Variants in ANKLE2 observed in about 807,000 individuals in gnomAD.
ANKLE2 encodes ankyrin repeat and LEM domain containing 2.
ANKLE2 carries 55 observed loss-of-function variants against 84.2 expected under a neutral mutation model. The ratio of observed to expected loss-of-function variants is 0.65; its 90% CI spans 0.53 to 0.82. The LOEUF is 0.82. ANKLE2 is among the 40% of genes least tolerant of loss of function. The pLI is 0.00. For synonymous variants in ANKLE2, 551 were observed against 486.1 expected (o/e 1.13, Z -1.76); for missense variants, 1,238 against 1,201.9 (o/e 1.03, Z -0.44).
chr12:132,747,483 G>A (rs1354692117), intron 5 of ANKLE2, among the ~76,000 whole-genome samples: 1 of 152,232 alleles, frequency 6.6e-6, no homozygotes, highest in Non-Finnish European at 1.5e-5. Flanking sequence ...CTGAGGGCCT[G>A]CCTGTGGTGT....
chr12:132,759,662 C>A (rs962961192), intron 1 of ANKLE2: 1 of 144,076 alleles, frequency 6.9e-6, no homozygotes, highest in African/African-American at 3.0e-5. Flanking sequence ...CACCCTCACC[C>A]GCCGCCACCT....
chr12:132,740,081 G>A (rs1203997262), intron 7 of ANKLE2, among the ~76,000 whole-genome samples: 1 of 152,254 alleles, frequency 6.6e-6, no homozygotes, highest in Admixed American at 6.5e-5. Context: ...TTCTGACAGT[G>A]TGGTTTGAAA....
chr12:132,749,796 C>T (rs942624149), intron 3 of ANKLE2, among the ~76,000 whole-genome samples: 3 of 152,172 alleles, frequency 2.0e-5, no homozygotes, highest in African/African-American at 4.8e-5. Context: ...CGGGCTGGAC[C>T]GCTCCTACAG....
chr12:132,761,198 G>A lies in ANKLE2; in HGVS notation c.181+420C>T, dbSNP rs73157039. The A allele has an allele frequency of 7.2e-3, 1,145 of 159,672 alleles. 10 individuals carry two copies. Among genetic ancestry groups the A allele is most frequent in the South Asian group, 0.029 (140 of 4,898 alleles). 9.9% of individuals were successfully genotyped at this position (159,672 alleles called of 1,614,324 possible). On this transcript the variant is annotated intron_variant, in intron 1 of 12. Coordinates refer to ENST00000357997, the MANE Select transcript of ANKLE2 (RefSeq NM_015114.3). The stretch of plus-strand genomic sequence containing the variant: ...TTTGCCTTTTCCGTCTCTGCCTTAT[G>A]TTCCATGACCAGTAACCGCAATGGC...
chr12:132,750,040 G>A (rs78456950), intron 3 of ANKLE2, among the ~76,000 whole-genome samples: 1,635 of 151,746 alleles, frequency 0.011, 27 homozygotes, highest in African/African-American at 0.037. Context: ...CAACATGGTG[G>A]CTAAAAATAC....
intron 11 of ANKLE2, among the ~76,000 whole-genome samples, chr12:132,728,576 T>C (rs1032273467): frequency 6.6e-6 from 1 of 152,110 alleles, no homozygotes; most frequent in Admixed American, 6.5e-5. Context: ...AAAACAACAG[T>C]GTGCAAGGAT....
chr12:132,728,121 A>G lies in ANKLE2; in HGVS notation c.2526T>C (p.Leu842=). 1 of 1,612,974 alleles carries G rather than the reference A, an allele frequency of 6.2e-7. No homozygotes were observed. Among genetic ancestry groups the G allele is most frequent in the South Asian group, 1.1e-5 (1 of 91,090 alleles). Residue 842 remains leucine (L), a synonymous_variant, in exon 12 of 13, where the codon CTT becomes CTC. Transcript: ENST00000357997. ...SKLDQDVLAA[L]ECADVDPHQF... ...GATGGGGGTCGACGTCTGCACATTCAAGAGCGGCCAAAACATCCTGATCGA... is the reference window on the plus strand; with the variant it reads ...GATGGGGGTCGACGTCTGCACATTCGAGAGCGGCCAAAACATCCTGATCGA...
intron 8 of ANKLE2, 63 bp from the exon 9 acceptor site, chr12:132,735,575 T>C: frequency 7.4e-7 from 1 of 1,356,878 alleles, no homozygotes; most frequent in South Asian, 1.3e-5. Flanking sequence ...TGCGGAAACC[T>C]GAAGAGCCGT....
chr12:132,750,062 G>A (rs994626176), intron 3 of ANKLE2, among the ~76,000 whole-genome samples: 10 of 151,932 alleles, frequency 6.6e-5, no homozygotes, highest in Non-Finnish European at 8.8e-5. Context: ...AACATTAGCC[G>A]GGTGTGGCAG....
At chr12:132,755,313 G>T in intron 1 of ANKLE2, 180 bp from the exon 2 acceptor site, 1 of 573,504 alleles carries the variant, frequency 1.7e-6, no homozygotes, top group Non-Finnish European at 3.0e-6. Context: ...GGAGGCTGAG[G>T]CGGGCGGATC....
intron 9 of ANKLE2, 44 bp downstream of exon 9, chr12:132,735,362 A>G (rs749459259): frequency 1.3e-6 from 2 of 1,558,820 alleles, no homozygotes; most frequent in East Asian, 4.5e-5. Flanking sequence ...TCAAAATGCA[A>G]CCAACTGTGT....
In ANKLE2 at chr12:132,747,955, C is replaced by G; in HGVS notation, c.1107G>C (p.Leu369=). Residue 369 remains leucine, a synonymous_variant, in exon 5 of 13, where the codon CTG becomes CTC. Transcript: ENST00000357997. Reference sequence around the variant, plus strand: ...CAGGGTTCTCCAGGACGTCCAGAGTCAGCTGGCAGATGGAAGCCTGGTTCT... The same window carrying G: ...CAGGGTTCTCCAGGACGTCCAGAGTGAGCTGGCAGATGGAAGCCTGGTTCT... ...AKENQASICQ[L]TLDVLENPDF... The G allele has an allele frequency of 6.3e-7, 1 of 1,599,360 alleles. No homozygotes were observed. The highest frequency in any genetic ancestry group is 1.4e-5 in the African/African-American group (1 of 73,662).
At position 132,754,619 on chromosome 12, in the gene ANKLE2, C is replaced by G. The variant is rs144440856; in HGVS notation, c.640+56G>C. The stretch of plus-strand genomic sequence containing the variant: ...AGTTTTCCATTTTCAGACGTCATCC[C>G]GCCCCTCCGCGTATGTGCTATCTGT... On this transcript the variant is annotated intron_variant, in intron 2 of 12. Transcript: ENST00000357997. 13 of 1,491,212 alleles carry G rather than the reference C, an allele frequency of 8.7e-6. No homozygotes were observed. In the East Asian group the frequency reaches 3.0e-4, roughly 34 times the overall value. 92.4% of individuals were successfully genotyped at this position (1,491,212 alleles called of 1,614,324 possible).
intron 5 of ANKLE2, among the ~76,000 whole-genome samples, chr12:132,746,937 T>C (rs1258809591): frequency 1.3e-5 from 2 of 152,174 alleles, no homozygotes; most frequent in Non-Finnish European, 2.9e-5. Context: ...TGAAGGACTT[T>C]TGGGCTCCCA....
chr12:132,742,672 T>G (rs1327486869), intron 6 of ANKLE2: 2 of 26,326 alleles, frequency 7.6e-5, no homozygotes, highest in Non-Finnish European at 1.7e-4. Context: ...GAATACAATT[T>G]AGCTGCTTTC....
At chr12:132,741,980 T>G in intron 6 of ANKLE2, 1 of 372,030 alleles carries the variant, frequency 2.7e-6, no homozygotes, top group Non-Finnish European at 5.3e-6. Context: ...ATACGAACTT[T>G]TGCTAGAAAC....
At chr12:132,731,513 C>A (rs979826372) in intron 10 of ANKLE2, 1 of 148,466 alleles carries the variant, frequency 6.7e-6, no homozygotes, top group Non-Finnish European at 1.5e-5. Context: ...CAAACTCACA[C>A]AGACACACAC....
At chr12:132,734,781 C>T (rs2043973697) in intron 9 of ANKLE2, 1 of 564,446 alleles carries the variant, frequency 1.8e-6, no homozygotes, top group Non-Finnish European at 3.0e-6. Context: ...GGACCCGGCA[C>T]AGCTCTCAGG....
rs1375166964 is a variant in ANKLE2 at position 132,755,027 on chromosome 12, T to C, written c.288A>G (p.Ser96=). ...TTTTCTCAAAAATGAACCTTGTAGT[T>C]GATGTAATGGGTCCACATTTCAATC... is the stretch of plus-strand genomic sequence containing the variant. ...KAGLKCGPIT[S]TTRFIFEKKL... is the part of the protein sequence containing the mutation. The change falls in exon 2 of 13, where the codon TCA becomes TCG. Residue 96 remains serine (S), a synonymous_variant. Coordinates refer to ENST00000357997, the MANE Select transcript of ANKLE2 (RefSeq NM_015114.3). 1 of 1,614,064 alleles carries C rather than the reference T, an allele frequency of 6.2e-7. No homozygotes were observed. The highest frequency in any genetic ancestry group is 8.5e-7 in the Non-Finnish European group (1 of 1,180,046).
Sources: allele counts gnomAD v4.1 joint callset (sites outside exome capture counted in the v4.1 genomes callset), GRCh38; gene constraint gnomAD v4.1.1; transcripts MANE v1.5; gene names NCBI Gene and HGNC (gene_info 2026-07-23, HGNC 2026-07-21).